The following ACTN4 variants were observed in gnomAD, a reference collection of about 807,000 sequenced individuals.
ACTN4 encodes the protein alpha-actinin-4.
A neutral mutation model predicts 114.2 loss-of-function variants in ACTN4; 18 were observed. The observed-to-expected ratio is 0.16, with a 90% CI of 0.11 to 0.23. The LOEUF is 0.23. ACTN4 is among the 10% of genes least tolerant of loss of function. The pLI is 1.00. For synonymous variants in ACTN4, 515 were observed against 506.3 expected, an observed-to-expected ratio of 1.02 and a Z score of -0.23; for missense variants, 722 against 1,262.9, an observed-to-expected ratio of 0.57 and a Z score of 6.49.
At chr19:38,701,156 G>T in intron 3 of ACTN4, 35 bp downstream of exon 3, 1 of 1,612,936 alleles carries the variant, frequency 6.2e-7, no homozygotes, top group South Asian at 1.1e-5. Context: ...GGTCCTGCTC[G>T]GTTTCTGACC....
chr19:38,699,755 AAAAAAAAAAAAAGG>A (rs1968206874), intron 1 of ACTN4, among the ~76,000 whole-genome samples: 1 of 127,946 alleles, frequency 7.8e-6, no homozygotes, highest in African/African-American at 2.9e-5. Context: ...ACTCCTTCTC[AAAAAAAAAAAAAGG>A]AAAAAAAAGA....
At chr19:38,687,274 C>G (rs745581882) in intron 1 of ACTN4, among the ~76,000 whole-genome samples, 19 of 152,126 alleles carry the variant, frequency 1.2e-4, no homozygotes, top group Non-Finnish European at 2.2e-4. Flanking sequence ...CACCCAGCCC[C>G]TCTGGTTCTA....
At chr19:38,721,910 C>A in intron 12 of ACTN4, 1 of 676,994 alleles carries the variant, frequency 1.5e-6, no homozygotes, top group Non-Finnish European at 2.6e-6. Flanking sequence ...GATTTGGATT[C>A]TCTAGCAGGA....
chr19:38,673,701 T>TA lies in ACTN4; in HGVS notation c.162+25794_162+25795insA, dbSNP rs1281100070. Among the ~76,000 whole-genome samples the TA allele has an allele frequency of 4.1e-4, 25 of 60,584 alleles. 1 individual carries two copies. Among genetic ancestry groups the TA allele is most frequent in the African/African-American group, 5.9e-4 (11 of 18,708 alleles). The allele number at this position is 60,584 out of a possible 152,430, so 39.7% of individuals were successfully genotyped here. Reference sequence around the variant, plus strand: ...ATATATTTATATATATTATATATATTTATATATTTATATATTTATATATAC... The same window carrying TA: ...ATATATTTATATATATTATATATATTATATATATTTATATATTTATATATAC... On this transcript the variant is annotated intron_variant, in intron 1 of 20. Transcript: ENST00000252699.
At chr19:38,701,893 C>T (rs1350844155) in intron 3 of ACTN4, among the ~76,000 whole-genome samples, 2 of 152,242 alleles carry the variant, frequency 1.3e-5, no homozygotes, top group Non-Finnish European at 2.9e-5. Context: ...AACTAATTGC[C>T]GTTAATGACA....
intron 1 of ACTN4, among the ~76,000 whole-genome samples, chr19:38,698,123 G>A (rs1207076016): frequency 6.6e-6 from 1 of 152,156 alleles, no homozygotes; most frequent in African/African-American, 2.4e-5. Context: ...TGGAGGGGGT[G>A]GGCAGGACTC....
At chr19:38,710,384 G>A (rs754814407) in intron 8 of ACTN4, 42 bp downstream of exon 8, 9 of 1,593,166 alleles carry the variant, frequency 5.6e-6, no homozygotes, top group South Asian at 1.1e-5. Context: ...CCGCCACCGC[G>A]CAATGCCGCC....
At chr19:38,703,445 C>T (rs529835014) in intron 3 of ACTN4, among the ~76,000 whole-genome samples, 53 of 152,160 alleles carry the variant, frequency 3.5e-4, no homozygotes, top group African/African-American at 1.2e-3. Flanking sequence ...ACCATCTTGG[C>T]CGGGCTGGTC....
rs534727804 is a variant in ACTN4 at position 38,724,796 on chromosome 19, G to A, written c.2010+231G>A. Among the ~76,000 whole-genome samples, 21 of 152,354 alleles carry A rather than the reference G, an allele frequency of 1.4e-4. No individual in the cohort carries two copies. Among genetic ancestry groups the A allele is most frequent in the Non-Finnish European group, 2.6e-4 (18 of 68,026 alleles). ...AGGCGGGCGGATCGCTTGAGCCCAG[G>A]AGTTCGAGACCAGCCTGGGCAACAT... On this transcript the variant is annotated intron_variant, in intron 16 of 20. Coordinates refer to ENST00000252699, the MANE Select transcript of ACTN4 (RefSeq NM_004924.6). This position sits in a 1 kb window ranked among gnomAD's most constrained non-coding sequence, Gnocchi z 7.0.
rs915840495 is a variant in ACTN4 at position 38,701,038 on chromosome 19, G to A, written c.314G>A (p.Arg105Lys). 2 of 1,613,974 alleles carry A rather than the reference G, an allele frequency of 1.2e-6. No individual in the cohort carries two copies. Among genetic ancestry groups the A allele is most frequent in the African/African-American group, 1.3e-5 (1 of 74,922 alleles). ...RLPKPERGKM[R>K]VHKINNVNKA... is the part of the protein sequence containing the mutation. ...CCTAAGCCGGAGCGGGGGAAGATGAGAGTGCACAAAATCAACAATGTGAAC... is the reference window on the plus strand; with the variant it reads ...CCTAAGCCGGAGCGGGGGAAGATGAAAGTGCACAAAATCAACAATGTGAAC... The change falls in exon 3 of 21, where the codon AGA becomes AAA. Residue 105 changes from arginine (R) to lysine (K), a missense_variant. Physicochemically the swap from Arg to Lys is conservative, Grantham distance 26. Coordinates refer to ENST00000252699, the MANE Select transcript of ACTN4 (RefSeq NM_004924.6).
chr19:38,714,451 C>A lies in ACTN4; in HGVS notation c.820-18C>A. On this transcript the variant is annotated intron_variant, in intron 8 of 20. Transcript: ENST00000252699. ...GTGGCCAGCCCCCAGGCAGCCCTGA[C>A]TGTGTGCTCCCCTCCAGGCTGAAAC... 6.2e-7 allele frequency: 1 copy of A among 1,612,744 alleles called. No individual in the cohort carries two copies. The highest frequency in any genetic ancestry group is 1.1e-5 in the South Asian group (1 of 91,036).
At chr19:38,691,440 A>G (rs946997857) in intron 1 of ACTN4, among the ~76,000 whole-genome samples, 3 of 151,232 alleles carry the variant, frequency 2.0e-5, no homozygotes, top group African/African-American at 4.9e-5. Context: ...AAAAAACCCA[A>G]CAACGCAGAG....
At position 38,700,620 on chromosome 19, in the gene ACTN4, C is replaced by G; in HGVS notation, c.183C>G (p.Asn61Lys). ...CCCAGACCTTCACGGCATGGTGCAA[C>G]TCCCACCTGCGGAAGGCAGGCACAC... is the stretch of plus-strand genomic sequence containing the variant. ...QQRKTFTAWC[N>K]SHLRKAGTQI... The change falls in exon 2 of 21, where the codon AAC becomes AAG. Residue 61 changes from asparagine to lysine, a missense_variant. This residue lies in a region of ACTN4 where 127 missense variants were observed against 311.3 expected (regional missense o/e 0.41). Coordinates refer to ENST00000252699, the MANE Select transcript of ACTN4 (RefSeq NM_004924.6). 1 of 1,614,170 alleles carries G rather than the reference C, an allele frequency of 6.2e-7. No individual in the cohort carries two copies. The highest frequency in any genetic ancestry group is 8.5e-7 in the Non-Finnish European group (1 of 1,180,002).
chr19:38,695,218 C>T (rs1968054360), intron 1 of ACTN4, among the ~76,000 whole-genome samples: 1 of 152,136 alleles, frequency 6.6e-6, no homozygotes, highest in Non-Finnish European at 1.5e-5. Context: ...CTCCTGTGTC[C>T]AGTACATAAT....
chr19:38,658,145 C>T (rs1415198333), intron 1 of ACTN4, among the ~76,000 whole-genome samples: 1 of 152,138 alleles, frequency 6.6e-6, no homozygotes, highest in Non-Finnish European at 1.5e-5. Context: ...GCCCTCTGTC[C>T]TCGGGGCAGG....
At chr19:38,658,547 A>C (rs1976777976) in intron 1 of ACTN4, among the ~76,000 whole-genome samples, 1 of 152,220 alleles carries the variant, frequency 6.6e-6, no homozygotes, top group Admixed American at 6.5e-5. Flanking sequence ...TGAAAATATT[A>C]AACACTTTCA....
At chr19:38,704,537 C>G (rs1284832989) in intron 3 of ACTN4, among the ~76,000 whole-genome samples, 1 of 152,254 alleles carries the variant, frequency 6.6e-6, no homozygotes. Context: ...GGGGTGCCCC[C>G]CTGTAGTCAG....
intron 1 of ACTN4, among the ~76,000 whole-genome samples, chr19:38,676,540 G>A (rs1044281795): frequency 5.9e-5 from 9 of 152,208 alleles, no homozygotes; most frequent in African/African-American, 1.9e-4. Flanking sequence ...GGCTTACAGA[G>A]GTCTTTTGCA....
chr19:38,707,470 G>A (rs771148747), intron 5 of ACTN4, among the ~76,000 whole-genome samples: 9 of 152,212 alleles, frequency 5.9e-5, no homozygotes, highest in African/African-American at 1.9e-4. Flanking sequence ...AGGTGACATC[G>A]AGCTTGACCT....
Sources: gnomAD v4.1 joint callset for allele counts (sites outside exome capture counted in the v4.1 genomes callset) on GRCh38, gnomAD v4.1.1 for gene constraint, gnomAD v4.1.1 regional missense constraint, Gnocchi (gnomAD v3.1) non-coding constraint, MANE v1.5 for transcripts, NCBI Gene and HGNC (gene_info 2026-07-23, HGNC 2026-07-21) for gene names.